The following SETD3 variants were observed in gnomAD, a reference collection of about 807,000 sequenced individuals.
SETD3 encodes actin-histidine N-methyltransferase.
A neutral mutation model predicts 63.0 loss-of-function variants in SETD3; 19 were observed. That is an observed-to-expected ratio of 0.30 (90% CI 0.21 to 0.44). SETD3 has a LOEUF of 0.44. Among genes scored for constraint, SETD3 ranks in the 20% least tolerant of loss-of-function variants. SETD3 has a pLI of 1.00. For missense variants in SETD3, 587 were observed against 728.5 expected, an observed-to-expected ratio of 0.81 and a Z score of 2.24; for synonymous variants, 286 against 264.1, an observed-to-expected ratio of 1.08 and a Z score of -0.80.
chr14:99,486,311 C>A, the SETD3 span, among the ~76,000 whole-genome samples: 2 of 152,148 alleles, frequency 1.3e-5, no homozygotes, highest in East Asian at 3.9e-4. Context: ...GTGGGTAAAT[C>A]ATAAGTGCAT....
At chr14:99,423,900 C>T (rs1311332999) in intron 6 of SETD3, among the ~76,000 whole-genome samples, 1 of 151,556 alleles carries the variant, frequency 6.6e-6, no homozygotes, top group African/African-American at 2.4e-5. Flanking sequence ...CATACTTTGC[C>T]TTATATTTTC....
chr14:99,403,453 ACACTCTCT>A (rs769613118), intron 11 of SETD3, among the ~76,000 whole-genome samples: 1,251 of 106,170 alleles, frequency 0.012, 7 homozygotes, highest in Non-Finnish European at 0.016. Flanking sequence ...ACACACACAC[ACACTCTCT>A]CTCTCTCTCT....
intron 6 of SETD3, among the ~76,000 whole-genome samples, chr14:99,444,638 C>T (rs955945915): frequency 7.9e-5 from 12 of 152,086 alleles, no homozygotes; most frequent in African/African-American, 2.2e-4. Context: ...GCGGGTGGAT[C>T]GCTTGAGCTC....
Position 99,417,567 on chromosome 14 carries a change from TAAAC to T in SETD3, c.676-3637_676-3634del, listed in dbSNP as rs1429210971. On this transcript the variant is annotated intron_variant, in intron 6 of 12. Transcript: ENST00000331768. ...GAGAGATACAGACATGCACTTAAAC[TAAAC>T]AAACAGTTAATATGTGTTACACAAA... Among the ~76,000 whole-genome samples, 4 of 152,346 alleles carry T rather than the reference TAAAC, an allele frequency of 2.6e-5. No homozygotes were observed. In the South Asian group the frequency reaches 6.2e-4, roughly 24 times the overall value.
At chr14:99,454,430 CT>C (rs1894640241) in intron 6 of SETD3, among the ~76,000 whole-genome samples, 1 of 152,030 alleles carries the variant, frequency 6.6e-6, no homozygotes, top group African/African-American at 2.4e-5. Context: ...GGTTTAGCCC[CT>C]AGACTTGCAG....
chr14:99,465,696 G>C lies in SETD3; in HGVS notation c.103+7C>G, dbSNP rs1363420668. 2 of 1,610,968 alleles carry C rather than the reference G, an allele frequency of 1.2e-6. No homozygotes were observed. Among genetic ancestry groups the C allele is most frequent in the Non-Finnish European group, 8.5e-7 (1 of 1,177,378 alleles). ...TCAAGGCAGGGAGAGCCCAGAGGAG[G>C]ACTTACTCTGCAGCAGCTCACTGGT... On this transcript the variant is annotated splice_region_variant and intron_variant, in intron 2 of 12. Transcript: ENST00000331768.
At chr14:99,430,010 G>T (rs769231183) in intron 6 of SETD3, among the ~76,000 whole-genome samples, 1 of 152,230 alleles carries the variant, frequency 6.6e-6, no homozygotes, top group Non-Finnish European at 1.5e-5. Flanking sequence ...TTAAACGAGA[G>T]GGGAGGGGGA....
chr14:99,412,680 T>C (rs758054382), intron 8 of SETD3: 39 of 329,734 alleles, frequency 1.2e-4, no homozygotes, highest in Non-Finnish European at 2.0e-4. Flanking sequence ...GCTGGAATTA[T>C]GGCTTAGCAA....
intron 6 of SETD3, among the ~76,000 whole-genome samples, chr14:99,453,840 G>C (rs76420418): frequency 6.6e-6 from 1 of 151,676 alleles, no homozygotes; most frequent in Non-Finnish European, 1.5e-5. Context: ...AAAAAAAAAA[G>C]CTCATTATTG....
Position 99,398,870 on chromosome 14 carries a change from C to T in SETD3, c.1594G>A (p.Val532Met), listed in dbSNP as rs1397608552. Residue 532 changes from valine (V) to methionine (M), a missense_variant, in exon 13 of 13, where the codon GTG becomes ATG. Transcript: ENST00000331768. ...TCTCTGATGTTCAAGGCATCCTGCA[C>T]TCCAGCCTCCTCCTCGAGGTTTCTC... ...VLRNLEEEAG[V>M]QDALNIREAI... 4.6e-5 allele frequency: 75 copies of T among 1,614,118 alleles called. 1 individual carries two copies. In the Admixed American group the frequency reaches 1.2e-3, roughly 27 times the overall value.
intron 6 of SETD3, among the ~76,000 whole-genome samples, chr14:99,420,979 G>A: frequency 1.3e-5 from 1 of 79,726 alleles, no homozygotes; most frequent in Non-Finnish European, 2.6e-5. Flanking sequence ...GGGGGGGGTG[G>A]GAGGTGCAGA....
chr14:99,458,311 G>T lies in SETD3; in HGVS notation c.643C>A (p.Arg215=), dbSNP rs114824397. Residue 215 remains arginine (R), a synonymous_variant, in exon 6 of 13, where the codon CGA becomes AGA. Transcript: ENST00000331768. ...DVFSQYKNTA[R]QYAYFYKVIQ... The stretch of plus-strand genomic sequence containing the variant: ...ACTTTATAGAAGTAGGCGTACTGTC[G>T]AGCTGTGTTTTTATACTGGCTGAAG... 4.6e-4 allele frequency: 746 copies of T among 1,614,052 alleles called. 6 individuals carry two copies. In the African/African-American group the frequency reaches 8.8e-3, roughly 19 times the overall value.
At chr14:99,426,994 G>C (rs1047733432) in intron 6 of SETD3, among the ~76,000 whole-genome samples, 1 of 152,214 alleles carries the variant, frequency 6.6e-6, no homozygotes, top group Non-Finnish European at 1.5e-5. Flanking sequence ...GGGACGCAGG[G>C]AGAAGCAGGC....
chr14:99,457,177 C>T (rs888019605), intron 6 of SETD3, among the ~76,000 whole-genome samples: 13 of 152,196 alleles, frequency 8.5e-5, no homozygotes, highest in African/African-American at 3.1e-4. Context: ...GATTTGGCTT[C>T]ATCAATAGTT....
chr14:99,481,100 G>A (rs986996016), upstream of SETD3: 8 of 246,788 alleles, frequency 3.2e-5, no homozygotes, highest in African/African-American at 1.6e-4. Flanking sequence ...GTTCGCCCCC[G>A]CCAGAGCTTT....
At chr14:99,437,534 C>A (rs1156542005) in intron 6 of SETD3, among the ~76,000 whole-genome samples, 1 of 152,226 alleles carries the variant, frequency 6.6e-6, no homozygotes, top group Non-Finnish European at 1.5e-5. Context: ...CACCTCTCTG[C>A]AATCCCAGCA....
At chr14:99,481,442 A>C (rs759428960), upstream of SETD3, 224 of 398,696 alleles carry the variant, frequency 5.6e-4, 2 homozygotes, top group Admixed American at 3.5e-3. Flanking sequence ...GCAGTCGGCA[A>C]GGAGAGACGT....
chr14:99,422,595 C>T (rs1892648433), intron 6 of SETD3, among the ~76,000 whole-genome samples: 2 of 151,934 alleles, frequency 1.3e-5, no homozygotes, highest in Admixed American at 1.3e-4. Context: ...AAGCCAAATC[C>T]TGATGTAATA....
chr14:99,461,113 C>CCT, intron 4 of SETD3, 79 bp downstream of exon 4: 6 of 1,516,556 alleles, frequency 4.0e-6, no homozygotes, highest in African/African-American at 2.8e-5. Context: ...CACACGTCTA[C>CCT]CTCTTCACCC....
Sources: gnomAD v4.1 joint callset for allele counts (sites outside exome capture counted in the v4.1 genomes callset) on GRCh38, gnomAD v4.1.1 for gene constraint, MANE v1.5 for transcripts, NCBI Gene and HGNC (gene_info 2026-07-23, HGNC 2026-07-21) for gene names.